Variants in THSD4 observed in about 807,000 individuals in gnomAD.
THSD4 encodes thrombospondin type 1 domain containing 4, also known as thrombospondin type-1 domain-containing protein 4.
A neutral mutation model predicts 119.0 loss-of-function variants in THSD4; 69 were observed. That is an observed-to-expected ratio of 0.58 (90% CI 0.48 to 0.71). The LOEUF is 0.71. Ranked by LOEUF, THSD4 falls within the 30% of genes least tolerant of loss-of-function variation. THSD4 has a pLI of 0.00. For synonymous variants in THSD4, 524 were observed against 540.4 expected, an observed-to-expected ratio of 0.97 and a Z score of 0.42; for missense variants, 1,393 against 1,391.1, an observed-to-expected ratio of 1.00 and a Z score of -0.02.
chr15:71,359,590 T>A (rs952320804), intron 6 of THSD4, among the ~76,000 whole-genome samples: 1 of 152,170 alleles, frequency 6.6e-6, no homozygotes, highest in Non-Finnish European at 1.5e-5. Flanking sequence ...GGTAGATTGC[T>A]TGAGTTCAAG....
At chr15:71,164,366 C>CTT (rs878855643) in intron 3 of THSD4, among the ~76,000 whole-genome samples, 12 of 127,534 alleles carry the variant, frequency 9.4e-5, no homozygotes, top group African/African-American at 1.2e-4. Context: ...ACAGCTGCAA[C>CTT]TTTTTTTTTT....
rs146881071 is a variant in THSD4 at position 71,594,852 on chromosome 15, C to T, written c.1153-65678C>T. On this transcript the variant is annotated intron_variant, in intron 7 of 17. Coordinates refer to ENST00000261862, the MANE Select transcript of THSD4 (RefSeq NM_024817.3). ...GTATATTTTATGCATGAGGGATATA[C>T]AAGGAGCTCGGGAGCGGAAATAAGT... Among the ~76,000 whole-genome samples the T allele has an allele frequency of 9.5e-4, 144 of 152,264 alleles. 1 individual carries two copies. The East Asian group carries it at 0.024, about 26-fold the overall frequency.
intron 6 of THSD4, among the ~76,000 whole-genome samples, chr15:71,327,454 T>C (rs988372167): frequency 6.7e-6 from 1 of 150,156 alleles, no homozygotes; most frequent in African/African-American, 2.4e-5. Context: ...ACACACTTTA[T>C]AAAACCAATT....
chr15:71,253,891 G>A (rs2044286517), intron 5 of THSD4, among the ~76,000 whole-genome samples: 2 of 152,152 alleles, frequency 1.3e-5, no homozygotes, highest in African/African-American at 4.8e-5. Flanking sequence ...TTAACACTTA[G>A]TGGATTGTGG....
chr15:71,738,027 G>A lies in THSD4; in HGVS notation c.1906+20G>A, dbSNP rs536920094. The stretch of plus-strand genomic sequence containing the variant: ...GGAAAGGTGAGCCTGTGTGGGGGAC[G>A]GGTGGATCCCTGCAGAACCCTAAGC... On this transcript the variant is annotated intron_variant, in intron 11 of 17. Transcript: ENST00000261862. 243 of 1,611,782 alleles carry A rather than the reference G, an allele frequency of 1.5e-4. 2 individuals carry two copies. In the South Asian group the frequency reaches 1.8e-3, roughly 12 times the overall value.
At chr15:71,629,915 C>A (rs930722092) in intron 7 of THSD4, among the ~76,000 whole-genome samples, 1 of 152,288 alleles carries the variant, frequency 6.6e-6, no homozygotes, top group South Asian at 2.1e-4. Context: ...CTCTGGAACC[C>A]TTGGAGGCGC....
intron 3 of THSD4, among the ~76,000 whole-genome samples, chr15:71,213,027 C>T (rs1005594928): frequency 6.6e-6 from 1 of 152,114 alleles, no homozygotes; most frequent in African/African-American, 2.4e-5. Flanking sequence ...CCTAGGGCTG[C>T]CATAATGAAT....
intron 6 of THSD4, among the ~76,000 whole-genome samples, chr15:71,323,119 A>T (rs2140362707): frequency 6.7e-6 from 1 of 150,102 alleles, no homozygotes; most frequent in East Asian, 2.0e-4. Context: ...AAAAAAAAAA[A>T]GATCGTAGTC....
intron 6 of THSD4, among the ~76,000 whole-genome samples, chr15:71,385,151 G>A (rs2046279491): frequency 2.0e-5 from 3 of 152,078 alleles, no homozygotes; most frequent in Non-Finnish European, 1.5e-5. Flanking sequence ...AGTTGCTTTC[G>A]TGACTTCCGA....
At chr15:71,460,236 T>A (rs977122535) in intron 7 of THSD4, among the ~76,000 whole-genome samples, 1 of 151,710 alleles carries the variant, frequency 6.6e-6, no homozygotes, top group Admixed American at 6.6e-5. Flanking sequence ...TAGAAGAAAT[T>A]AATCACTTAC....
At chr15:71,775,220 T>C (rs1300424636) in intron 17 of THSD4, among the ~76,000 whole-genome samples, 1 of 152,088 alleles carries the variant, frequency 6.6e-6, no homozygotes, top group African/African-American at 2.4e-5. Flanking sequence ...TTCCAGCACA[T>C]AGGACAAAAT....
intron 7 of THSD4, among the ~76,000 whole-genome samples, chr15:71,549,010 G>T (rs768323155): frequency 2.6e-5 from 4 of 152,212 alleles, no homozygotes; most frequent in Non-Finnish European, 4.4e-5. Flanking sequence ...GGAAGGCCAC[G>T]CCGGAATCTG....
chr15:71,141,815 T>A (rs2040607698), intron 2 of THSD4, among the ~76,000 whole-genome samples: 1 of 152,130 alleles, frequency 6.6e-6, no homozygotes, highest in African/African-American at 2.4e-5. Flanking sequence ...TCAAGAAAAT[T>A]TTTTTAGGCC....
Position 71,289,521 on chromosome 15 carries a change from A to G in THSD4, c.1015+32806A>G, listed in dbSNP as rs190457653. ...TCAGGGAACCCAGGCTGAGATAGAT[A>G]CCAGGGCCTCCCTTTTGGGGGTTCT... On this transcript the variant is annotated intron_variant, in intron 6 of 17. Transcript: ENST00000261862. Among the ~76,000 whole-genome samples the G allele has an allele frequency of 3.8e-3, 573 of 152,158 alleles. 2 individuals carry two copies. The highest frequency in any genetic ancestry group is 0.013 in the African/African-American group (531 of 41,424).
At chr15:71,674,652 A>T (rs1041944192) in intron 8 of THSD4, among the ~76,000 whole-genome samples, 3 of 152,064 alleles carry the variant, frequency 2.0e-5, no homozygotes, top group Non-Finnish European at 2.9e-5. Context: ...TCCTTTCAGG[A>T]TAAAAGGCCT....
chr15:71,114,229 T>G (rs964778937), upstream of THSD4, among the ~76,000 whole-genome samples: 1 of 152,136 alleles, frequency 6.6e-6, no homozygotes, highest in East Asian at 1.9e-4. Flanking sequence ...TTAATTTTTT[T>G]TTTTTTCTGG....
chr15:71,381,493 A>G (rs1480262461), intron 6 of THSD4, among the ~76,000 whole-genome samples: 1 of 152,220 alleles, frequency 6.6e-6, no homozygotes, highest in East Asian at 1.9e-4. Flanking sequence ...CTTCCTAAGC[A>G]TTCTGGGAAT....
At chr15:71,410,270 G>A (rs1243073733) in intron 6 of THSD4, among the ~76,000 whole-genome samples, 1 of 152,188 alleles carries the variant, frequency 6.6e-6, no homozygotes, top group African/African-American at 2.4e-5. Context: ...AAGTGAATAA[G>A]ACAGAGACAT....
Position 71,343,715 on chromosome 15 carries a change from A to ATTTT in THSD4, c.1016-67957_1016-67954dup, listed in dbSNP as rs35533590. ...AAATCTAGGATAATCTCATCTCAGG[A>ATTTT]TTTTTTTTTTTTTTTTTTGAGATAG... On this transcript the variant is annotated intron_variant, in intron 6 of 17. Coordinates refer to ENST00000261862, the MANE Select transcript of THSD4 (RefSeq NM_024817.3). Among the ~76,000 whole-genome samples, 114 of 134,772 alleles carry ATTTT rather than the reference A, an allele frequency of 8.5e-4. 1 individual carries two copies. Among genetic ancestry groups the ATTTT allele is most frequent in the Non-Finnish European group, 8.0e-4 (51 of 63,906 alleles). The allele number at this position is 134,772 out of a possible 152,430, so 88.4% of individuals were successfully genotyped here. A position where few individuals can be genotyped will look rare whatever the true frequency, so the allele number is the denominator to read the frequency against.
Sources: gnomAD v4.1 joint callset for allele counts (sites outside exome capture counted in the v4.1 genomes callset) on GRCh38, gnomAD v4.1.1 for gene constraint, MANE v1.5 for transcripts, NCBI Gene and HGNC (gene_info 2026-07-23, HGNC 2026-07-21) for gene names.